Variants in MTAP observed in about 807,000 individuals in gnomAD.
MTAP encodes methylthioadenosine phosphorylase.
Under a neutral mutation model 33.6 loss-of-function variants are expected in MTAP, and 33 were observed. That is an observed-to-expected ratio of 0.98 (90% CI 0.74 to 1.31). The LOEUF (loss-of-function observed/expected upper bound fraction) is 1.31, where lower values mean the gene tolerates loss of function less well. Among genes scored for constraint, MTAP ranks in the 40% most tolerant of loss-of-function variants. The pLI is 0.00. For synonymous variants in MTAP, 148 were observed against 125.7 expected (o/e 1.18, Z -1.19); for missense variants, 367 against 360.0 (o/e 1.02, Z -0.16).
intron 1 of MTAP, among the ~76,000 whole-genome samples, chr9:21,874,882 C>G (rs1825983757): frequency 6.6e-6 from 1 of 151,948 alleles, no homozygotes; most frequent in African/African-American, 2.4e-5. Context: ...ATGTGATGTT[C>G]CCCTCCCTGT....
At chr9:21,815,061 A>G (rs960738325) in intron 1 of MTAP, among the ~76,000 whole-genome samples, 1 of 152,256 alleles carries the variant, frequency 6.6e-6, no homozygotes. Flanking sequence ...GAGAAACAAA[A>G]TTGATCAGAA....
chr9:21,900,525 G>A (rs933185977), intron 1 of MTAP, among the ~76,000 whole-genome samples: 1 of 152,170 alleles, frequency 6.6e-6, no homozygotes, highest in African/African-American at 2.4e-5. Context: ...TCAGAAGCTG[G>A]TGAGATTGCA....
At position 21,837,937 on chromosome 9, in the gene MTAP, A is replaced by G; in HGVS notation, c.377A>G (p.Asp126Gly). Residue 126 changes from aspartate to glycine, a missense_variant, in exon 5 of 8, where the codon GAT becomes GGT. Transcript: ENST00000644715. Reference sequence around the variant, plus strand: ...ACTATGAGACCTCAGTCCTTCTATGATGGAAGTCATTCTTGTGCCAGAGGA... The same window carrying G: ...ACTATGAGACCTCAGTCCTTCTATGGTGGAAGTCATTCTTGTGCCAGAGGA... ...RTTMRPQSFYDGSHSCARGVC... is the reference protein window; with the variant it reads ...RTTMRPQSFYGGSHSCARGVC... 1.2e-6 allele frequency: 2 copies of G among 1,614,078 alleles called. No homozygotes were observed. Among genetic ancestry groups the G allele is most frequent in the Non-Finnish European group, 1.7e-6 (2 of 1,179,976 alleles).
chr9:21,882,370 C>T (rs931100905), intron 1 of MTAP, among the ~76,000 whole-genome samples: 2 of 151,820 alleles, frequency 1.3e-5, no homozygotes, highest in African/African-American at 2.4e-5. Context: ...AAGTTTTATT[C>T]TCAAAATTGT....
In MTAP at chr9:21,862,544, A is replaced by T. The variant is rs1825774855; in HGVS notation, c.*530A>T. The T allele has an allele frequency of 6.6e-6, 1 of 152,276 alleles. No homozygotes were observed. Among genetic ancestry groups the T allele is most frequent in the Non-Finnish European group, 1.5e-5 (1 of 68,118 alleles). The allele number at this position is 152,276 out of a possible 1,614,324, so 9.4% of individuals were successfully genotyped here. On this transcript the variant is annotated 3_prime_UTR_variant, in exon 8 of 8. Transcript: ENST00000644715. ...GAGATGCATACAAAGAATTATATAT[A>T]AAGAAGGGTGTTTAATAATGATAGT...
chr9:21,843,749 G>C (rs1309854346), intron 5 of MTAP, among the ~76,000 whole-genome samples: 1 of 152,144 alleles, frequency 6.6e-6, no homozygotes, highest in Non-Finnish European at 1.5e-5. Context: ...AGAAAAAGTG[G>C]TGCTAATGGG....
chr9:21,910,801 C>G (rs916645550), intron 1 of MTAP, among the ~76,000 whole-genome samples: 7 of 152,086 alleles, frequency 4.6e-5, no homozygotes, highest in African/African-American at 1.7e-4. Flanking sequence ...GTATTTCCAT[C>G]GCTCTCCAAA....
intron 1 of MTAP, among the ~76,000 whole-genome samples, chr9:21,814,130 A>G (rs1291849956): frequency 6.6e-6 from 1 of 152,202 alleles, no homozygotes; most frequent in Non-Finnish European, 1.5e-5. Context: ...GTCATGGGAA[A>G]CAGGCAGAGT....
chr9:21,915,743 G>T (rs771645537), intron 1 of MTAP, among the ~76,000 whole-genome samples: 1 of 152,110 alleles, frequency 6.6e-6, no homozygotes, highest in African/African-American at 2.4e-5. Flanking sequence ...TTTAAAAAGC[G>T]GAGCAGCCCA....
At chr9:21,816,026 G>A (rs1214611366) in intron 2 of MTAP, among the ~76,000 whole-genome samples, 3 of 152,186 alleles carry the variant, frequency 2.0e-5, no homozygotes, top group Non-Finnish European at 4.4e-5. Flanking sequence ...TTATAGGAGA[G>A]GTTGCTTGTT....
rs940789914 is a variant in MTAP at position 21,816,663 on chromosome 9, A to G, written c.121-51A>G. The G allele has an allele frequency of 2.6e-6, 4 of 1,513,030 alleles. No homozygotes were observed. In the African/African-American group the frequency reaches 5.5e-5, roughly 21 times the overall value. The allele number at this position is 1,513,030 out of a possible 1,614,324, so 93.7% of individuals were successfully genotyped here. A position where few individuals can be genotyped will look rare whatever the true frequency, so the allele number is the denominator to read the frequency against. ...TTGTGGTTGAACAATTATAATTTAC[A>G]TACCTGTTTTTAAATCACTGAGTTA... On this transcript the variant is annotated intron_variant, in intron 2 of 7. Coordinates refer to ENST00000644715, the MANE Select transcript of MTAP (RefSeq NM_002451.4).
chr9:21,905,383 C>G (rs182341721), intron 1 of MTAP, among the ~76,000 whole-genome samples: 2 of 151,758 alleles, frequency 1.3e-5, no homozygotes, highest in Admixed American at 6.6e-5. Context: ...TCCCTGCCCC[C>G]CTCCCTGTAT....
At chr9:21,881,661 G>C (rs190651296) in intron 1 of MTAP, among the ~76,000 whole-genome samples, 200 of 151,978 alleles carry the variant, frequency 1.3e-3, no homozygotes, top group African/African-American at 3.7e-3. Flanking sequence ...TAGAGAAATA[G>C]AAATCAAAAC....
chr9:21,879,331 T>C (rs1382753798), intron 1 of MTAP, among the ~76,000 whole-genome samples: 1 of 152,204 alleles, frequency 6.6e-6, no homozygotes, highest in Non-Finnish European at 1.5e-5. Context: ...TTTCTATCTT[T>C]ATTGGTTTAA....
At chr9:21,936,331 C>T (rs964581225) in exon 8 of MTAP, 3 of 152,216 alleles carry the variant, frequency 2.0e-5, no homozygotes, top group African/African-American at 7.2e-5. Flanking sequence ...TGGAACCACA[C>T]TGTATTGTTT....
intron 1 of MTAP, chr9:21,893,905 A>T (rs370662568): frequency 6.8e-6 from 1 of 147,494 alleles, no homozygotes; most frequent in Non-Finnish European, 1.5e-5. Flanking sequence ...AACTTATTCT[A>T]TAAGGCTAGC....
rs776205000 is a variant in MTAP, at chr9:21,862,803, T to C, written c.*789T>C. ...TATACAAAAAAACTAGAAAGAAATA[T>C]ATATAACCTTGTTATTGTATTTGGG... On this transcript the variant is annotated 3_prime_UTR_variant, in exon 8 of 8. Coordinates refer to ENST00000644715, the MANE Select transcript of MTAP (RefSeq NM_002451.4). 5.9e-6 allele frequency: 2 copies of C among 341,208 alleles called. No homozygotes were observed. The highest frequency in any genetic ancestry group is 8.3e-6 in the Non-Finnish European group (2 of 241,814). The allele number at this position is 341,208 out of a possible 1,614,324, so 21.1% of individuals were successfully genotyped here.
chr9:21,832,561 T>C (rs1253052210), intron 4 of MTAP, among the ~76,000 whole-genome samples: 1 of 152,220 alleles, frequency 6.6e-6, no homozygotes, highest in African/African-American at 2.4e-5. Flanking sequence ...TTCACCTTCC[T>C]TCACCTTCCC....
intron 1 of MTAP, among the ~76,000 whole-genome samples, chr9:21,913,305 G>T (rs1489995943): frequency 1.3e-5 from 2 of 152,294 alleles, no homozygotes; most frequent in East Asian, 1.9e-4. Flanking sequence ...AACCAAAAAA[G>T]AGCCTGCACC....
Sources: gnomAD v4.1 joint callset for allele counts (sites outside exome capture counted in the v4.1 genomes callset) on GRCh38, gnomAD v4.1.1 for gene constraint, MANE v1.5 for transcripts, NCBI Gene and HGNC (gene_info 2026-07-23, HGNC 2026-07-21) for gene names.